UBE3A: variants seen among roughly 807,000 people sequenced by gnomAD.
The protein encoded by UBE3A is ubiquitin protein ligase E3A, also known as ubiquitin-protein ligase E3A.
In UBE3A, 6 loss-of-function variants were observed where a neutral mutation model predicts 83.4. That is an observed-to-expected ratio of 0.07 (90% CI 0.04 to 0.14). UBE3A has a LOEUF of 0.14. Among genes scored for constraint, UBE3A ranks in the 10% least tolerant of loss-of-function variants. The pLI is 1.00. For synonymous variants in UBE3A, 337 were observed against 355.4 expected (o/e 0.95, Z 0.58); for missense variants, 456 against 1,036.1 (o/e 0.44, Z 7.69).
intron 2 of UBE3A, among the ~76,000 whole-genome samples, chr15:25,410,367 C>G (rs1290375152): frequency 6.6e-6 from 1 of 152,164 alleles, no homozygotes; most frequent in Non-Finnish European, 1.5e-5. Context: ...TTTACTGACA[C>G]TGTAGTTCTG....
rs2073878516 is a variant in UBE3A at position 25,334,721 on chromosome 15, A to T, written c.*4416T>A. 6.6e-6 allele frequency: 1 copy of T among 152,210 alleles called. No homozygotes were observed. The highest frequency in any genetic ancestry group is 2.1e-4 in the South Asian group (1 of 4,832). 9.4% of individuals were successfully genotyped at this position (152,210 alleles called of 1,614,324 possible). Reference sequence around the variant, plus strand: ...CGACAGACATATAGGGCAATGGAGTAAGACTGAGAATCCAGAAAGTCTTAT... The same window carrying T: ...CGACAGACATATAGGGCAATGGAGTTAGACTGAGAATCCAGAAAGTCTTAT... On this transcript the variant is annotated 3_prime_UTR_variant, in exon 13 of 13. Transcript: ENST00000648336.
At chr15:25,407,442 G>T (rs979856779) in intron 3 of UBE3A, 2 of 223,016 alleles carry the variant, frequency 9.0e-6, no homozygotes, top group Non-Finnish European at 1.6e-5. Flanking sequence ...AGTACAATAT[G>T]TAACTGTTAC....
chr15:25,391,285 C>T (rs2084312764), intron 4 of UBE3A, among the ~76,000 whole-genome samples: 1 of 152,060 alleles, frequency 6.6e-6, no homozygotes, highest in African/African-American at 2.4e-5. Context: ...ATGAAGTAGC[C>T]AAAACAGTCA....
chr15:25,372,458 G>C (rs2080449918), intron 5 of UBE3A, among the ~76,000 whole-genome samples: 1 of 152,144 alleles, frequency 6.6e-6, no homozygotes, highest in Non-Finnish European at 1.5e-5. Context: ...CTCATAGAGT[G>C]ACAGAAAATA....
chr15:25,344,724 C>T (rs2075387076), intron 11 of UBE3A, among the ~76,000 whole-genome samples: 1 of 152,048 alleles, frequency 6.6e-6, no homozygotes. Flanking sequence ...TTTATCATGC[C>T]TTTTCTGTAG....
intron 4 of UBE3A, chr15:25,393,631 TTAGA>T (rs2084900347): frequency 6.6e-6 from 1 of 152,224 alleles, no homozygotes; most frequent in South Asian, 2.1e-4. Context: ...AAATCTTTCC[TTAGA>T]TAATCTCATA....
intron 4 of UBE3A, among the ~76,000 whole-genome samples, chr15:25,388,107 T>A (rs1332415470): frequency 6.6e-6 from 1 of 150,812 alleles, no homozygotes; most frequent in African/African-American, 2.4e-5. Flanking sequence ...TCCTATCTCA[T>A]TGTATGAAGT....
intron 1 of UBE3A, among the ~76,000 whole-genome samples, chr15:25,428,460 A>T (rs2153174037): frequency 6.6e-6 from 1 of 152,292 alleles, no homozygotes; most frequent in East Asian, 1.9e-4. Flanking sequence ...ACTACCAGAG[A>T]ATACTACAAT....
At chr15:25,430,059 A>ATT (rs1172166810) in intron 1 of UBE3A, among the ~76,000 whole-genome samples, 1 of 105,006 alleles carries the variant, frequency 9.5e-6, no homozygotes, top group Non-Finnish European at 1.7e-5. Flanking sequence ...ATTTATATGT[A>ATT]TTATATATAT....
At chr15:25,384,256 G>A (rs999010882) in intron 4 of UBE3A, among the ~76,000 whole-genome samples, 6 of 151,978 alleles carry the variant, frequency 3.9e-5, no homozygotes, top group African/African-American at 1.4e-4. Flanking sequence ...TCAAGAGATT[G>A]AGACCATCCT....
chr15:25,413,355 A>C (rs920388290), intron 1 of UBE3A, among the ~76,000 whole-genome samples: 1 of 152,092 alleles, frequency 6.6e-6, no homozygotes, highest in Non-Finnish European at 1.5e-5. Context: ...TTCAAAACTT[A>C]ATTTCACAAA....
At position 25,338,068 on chromosome 15, in the gene UBE3A, T is replaced by C. The variant is rs897407138; in HGVS notation, c.*1069A>G. 1 of 152,154 alleles carries C rather than the reference T, an allele frequency of 6.6e-6. No individual in the cohort carries two copies. The highest frequency in any genetic ancestry group is 1.5e-5 in the Non-Finnish European group (1 of 68,008). The allele number at this position is 152,154 out of a possible 1,614,324, so 9.4% of individuals were successfully genotyped here. On this transcript the variant is annotated 3_prime_UTR_variant, in exon 13 of 13. Coordinates refer to ENST00000648336, the MANE Select transcript of UBE3A (RefSeq NM_130839.5). Reference sequence around the variant, plus strand: ...CACAGTAGCCATCTTTTTCATTATGTTGCAACACTGATCACGTGCCTCGAT... The same window carrying C: ...CACAGTAGCCATCTTTTTCATTATGCTGCAACACTGATCACGTGCCTCGAT...
chr15:25,354,177 A>G lies in UBE3A; in HGVS notation c.2354+176T>C, dbSNP rs558431579. On this transcript the variant is annotated intron_variant, in intron 11 of 12. Coordinates refer to ENST00000648336, the MANE Select transcript of UBE3A (RefSeq NM_130839.5). ...TAACAACACTTCATTCATGAAATAA[A>G]TCACAAGATTAGCTCTGAAAAATGG... 4 of 649,912 alleles carry G rather than the reference A, an allele frequency of 6.2e-6. No homozygotes were observed. In the South Asian group the frequency reaches 7.4e-5, roughly 12 times the overall value. 40.3% of individuals were successfully genotyped at this position (649,912 alleles called of 1,614,324 possible). A position where few individuals can be genotyped will look rare whatever the true frequency, so the allele number is the denominator to read the frequency against.
At chr15:25,342,174 G>T (rs2074954209) in intron 11 of UBE3A, among the ~76,000 whole-genome samples, 1 of 152,088 alleles carries the variant, frequency 6.6e-6, no homozygotes, top group Non-Finnish European at 1.5e-5. Context: ...AAACAAGTCT[G>T]CTGTAGCACA....
At chr15:25,367,053 A>G (rs992609463) in intron 6 of UBE3A, among the ~76,000 whole-genome samples, 1 of 151,716 alleles carries the variant, frequency 6.6e-6, no homozygotes, top group Non-Finnish European at 1.5e-5. Flanking sequence ...TATAACCTCT[A>G]TCTTCTCCTT....
intron 1 of UBE3A, among the ~76,000 whole-genome samples, chr15:25,435,451 A>G (rs182402260): frequency 6.6e-6 from 1 of 152,260 alleles, no homozygotes; most frequent in East Asian, 1.9e-4. Flanking sequence ...GTGTCCCCCA[A>G]AATTCATGTT....
intron 1 of UBE3A, among the ~76,000 whole-genome samples, chr15:25,432,687 G>C (rs1237884392): frequency 6.6e-6 from 1 of 152,154 alleles, no homozygotes; most frequent in African/African-American, 2.4e-5. Context: ...CTGAGGAGAT[G>C]AACTTCTGGA....
chr15:25,397,897 T>G (rs2085949444), intron 4 of UBE3A, among the ~76,000 whole-genome samples: 1 of 152,064 alleles, frequency 6.6e-6, no homozygotes, highest in Admixed American at 6.6e-5. Flanking sequence ...TTGAGACATC[T>G]TCACCTCCTC....
At chr15:25,415,646 T>C (rs1176092220) in intron 1 of UBE3A, 1 of 152,110 alleles carries the variant, frequency 6.6e-6, no homozygotes, top group African/African-American at 2.4e-5. Flanking sequence ...CTTCATGTCT[T>C]ATTATACATT....
Sources: gnomAD v4.1 joint callset for allele counts (sites outside exome capture counted in the v4.1 genomes callset) on GRCh38, gnomAD v4.1.1 for gene constraint, MANE v1.5 for transcripts, NCBI Gene and HGNC (gene_info 2026-07-23, HGNC 2026-07-21) for gene names.